The following SUMF1 variants were observed in gnomAD, a reference collection of about 807,000 sequenced individuals.
SUMF1 encodes the protein sulfatase modifying factor 1.
SUMF1 carries 48 observed loss-of-function variants against 47.6 expected under a neutral mutation model. The observed-to-expected ratio is 1.01, with a 90% CI of 0.80 to 1.28. The LOEUF (loss-of-function observed/expected upper bound fraction) is 1.28. Ranked by LOEUF, SUMF1 falls within the 50% of genes most tolerant of loss-of-function variation. The pLI is 0.00. For missense variants in SUMF1, 571 were observed against 485.4 expected (o/e 1.18, Z -1.66); for synonymous variants, 230 against 192.1 (o/e 1.20, Z -1.63).
chr3:4,138,288 A>C (rs1372155150), intron 8 of SUMF1, among the ~76,000 whole-genome samples: 1 of 152,184 alleles, frequency 6.6e-6, no homozygotes, highest in East Asian at 1.9e-4. Context: ...CTTCACTCAG[A>C]AAGAGGACTG....
chr3:4,141,410 T>C (rs920294639), intron 8 of SUMF1, among the ~76,000 whole-genome samples: 1 of 152,124 alleles, frequency 6.6e-6, no homozygotes, highest in South Asian at 2.1e-4. Flanking sequence ...GTTATAACTG[T>C]GCCAGTGCCC....
intron 7 of SUMF1, among the ~76,000 whole-genome samples, chr3:4,402,880 G>A (rs1701259573): frequency 6.6e-6 from 1 of 152,182 alleles, no homozygotes; most frequent in Admixed American, 6.5e-5. Flanking sequence ...AAATCGCTGT[G>A]TAACAACATT....
intron 8 of SUMF1, among the ~76,000 whole-genome samples, chr3:4,202,874 T>G (rs994109603): frequency 6.6e-6 from 1 of 152,020 alleles, no homozygotes; most frequent in African/African-American, 2.4e-5. Flanking sequence ...TCCATGTGTT[T>G]GTATAGTTTC....
chr3:4,262,401 A>C (rs1271945766), intron 8 of SUMF1, among the ~76,000 whole-genome samples: 1 of 152,132 alleles, frequency 6.6e-6, no homozygotes, highest in African/African-American at 2.4e-5. Context: ...AACACCTCTA[A>C]TATTTCTCTA....
chr3:4,390,312 G>C (rs897605684), intron 7 of SUMF1, among the ~76,000 whole-genome samples: 2 of 152,144 alleles, frequency 1.3e-5, no homozygotes, highest in Admixed American at 1.3e-4. Flanking sequence ...CAATAAGAAA[G>C]ACCTGGCTAG....
intron 8 of SUMF1, among the ~76,000 whole-genome samples, chr3:4,260,817 T>C (rs1228033095): frequency 6.6e-6 from 1 of 151,926 alleles, no homozygotes; most frequent in Non-Finnish European, 1.5e-5. Context: ...CACCCAACCC[T>C]CCATATGTGC....
chr3:4,077,735 A>G (rs1459570469), intron 8 of SUMF1, among the ~76,000 whole-genome samples: 1 of 152,052 alleles, frequency 6.6e-6, no homozygotes, highest in East Asian at 1.9e-4. Context: ...CCGCAAACCA[A>G]CATGGCACAT....
intron 3 of SUMF1, among the ~76,000 whole-genome samples, chr3:4,430,303 G>A (rs1298661391): frequency 6.6e-6 from 1 of 152,158 alleles, no homozygotes; most frequent in Non-Finnish European, 1.5e-5. Flanking sequence ...CTTATCAAGT[G>A]TATGGTAAGT....
At chr3:4,110,925 A>G (rs1219309531) in intron 8 of SUMF1, among the ~76,000 whole-genome samples, 1 of 151,556 alleles carries the variant, frequency 6.6e-6, no homozygotes, top group Non-Finnish European at 1.5e-5. Flanking sequence ...GCACACCAAC[A>G]TGGCACATGT....
chr3:4,159,513 A>G (rs1256317603), intron 8 of SUMF1, among the ~76,000 whole-genome samples: 1 of 151,760 alleles, frequency 6.6e-6, no homozygotes, highest in East Asian at 1.9e-4. Flanking sequence ...CTATGTCTCA[A>G]AAAGTTGTAG....
intron 8 of SUMF1, chr3:4,312,748 T>C (rs1243508771): frequency 2.3e-6 from 2 of 878,002 alleles, no homozygotes; most frequent in East Asian, 2.8e-5. Flanking sequence ...GAGATGTTTT[T>C]GGACAATATC....
chr3:4,266,188 G>C (rs1293115144), intron 8 of SUMF1, among the ~76,000 whole-genome samples: 1 of 152,132 alleles, frequency 6.6e-6, no homozygotes, highest in Non-Finnish European at 1.5e-5. Context: ...TGTTCTTTTG[G>C]CTTAGGATTG....
intron 8 of SUMF1, among the ~76,000 whole-genome samples, chr3:4,285,065 G>C (rs1271279638): frequency 6.6e-6 from 1 of 152,114 alleles, no homozygotes; most frequent in Non-Finnish European, 1.5e-5. Flanking sequence ...CACATTCCTA[G>C]AATTCCATGA....
chr3:4,304,663 T>G (rs7628979), intron 8 of SUMF1, among the ~76,000 whole-genome samples: 54,410 of 152,166 alleles, frequency 0.36, 10,912 homozygotes, highest in Non-Finnish European at 0.45. Flanking sequence ...TTATCAACAA[T>G]GAACCCTATC....
chr3:4,308,856 A>T (rs1236129716), intron 8 of SUMF1, among the ~76,000 whole-genome samples: 5 of 152,224 alleles, frequency 3.3e-5, no homozygotes, highest in African/African-American at 1.2e-4. Flanking sequence ...TCTGCAAAAT[A>T]TTTGAAGAGA....
At chr3:4,367,168 G>C (rs575871096) in intron 8 of SUMF1, among the ~76,000 whole-genome samples, 1 of 152,130 alleles carries the variant, frequency 6.6e-6, no homozygotes, top group Non-Finnish European at 1.5e-5. Flanking sequence ...GGGGGTCAGG[G>C]GTCAGGGACC....
At chr3:4,367,377 T>G (rs1700011872) in intron 8 of SUMF1, among the ~76,000 whole-genome samples, 1 of 152,242 alleles carries the variant, frequency 6.6e-6, no homozygotes, top group South Asian at 2.1e-4. Flanking sequence ...GCTCCACCCA[T>G]TTCGAGCTTC....
At chr3:4,328,876 C>T (rs1698996505) in intron 8 of SUMF1, among the ~76,000 whole-genome samples, 1 of 152,128 alleles carries the variant, frequency 6.6e-6, no homozygotes, top group South Asian at 2.1e-4. Flanking sequence ...TAGCTACTTC[C>T]TAGATACAAT....
At chr3:4,043,232 C>T (rs369561921) in intron 9 of SUMF1, among the ~76,000 whole-genome samples, 2 of 152,138 alleles carry the variant, frequency 1.3e-5, no homozygotes, top group South Asian at 4.2e-4. Flanking sequence ...CTGGGCAGTA[C>T]AACAGCTTCC....
Sources: allele counts gnomAD v4.1 joint callset (sites outside exome capture counted in the v4.1 genomes callset), GRCh38; gene constraint gnomAD v4.1.1; transcripts MANE v1.5; gene names NCBI Gene and HGNC (gene_info 2026-07-23, HGNC 2026-07-21).